Variants in SAMMSON observed in about 807,000 individuals in gnomAD.
SAMMSON encodes survival associated mitochondrial melanoma specific oncogenic non-coding RNA.
intron 1 of SAMMSON, among the ~76,000 whole-genome samples, chr3:70,001,338 G>A (rs1183557484): frequency 6.6e-6 from 1 of 151,820 alleles, no homozygotes; most frequent in Non-Finnish European, 1.5e-5. Flanking sequence ...TGCCTCCTGT[G>A]TGTAAGACAT....
At chr3:70,104,534 C>G (rs904445631) in intron 4 of SAMMSON, among the ~76,000 whole-genome samples, 1 of 152,092 alleles carries the variant, frequency 6.6e-6, no homozygotes, top group African/African-American at 2.4e-5. Flanking sequence ...ACCCTTAATT[C>G]TGAACATGGA....
At chr3:70,339,391 A>C (rs1168703069) in intron 7 of SAMMSON, among the ~76,000 whole-genome samples, 1 of 152,224 alleles carries the variant, frequency 6.6e-6, no homozygotes, top group East Asian at 1.9e-4. Flanking sequence ...ACAAAAGCCA[A>C]AATTGACAAA....
Position 70,101,786 on chromosome 3 carries a change from G to C in SAMMSON, n.507+30221G>C, listed in dbSNP as rs552231827. On this transcript the variant is annotated intron_variant and non_coding_transcript_variant, in intron 4 of 9. Transcript: ENST00000642114. ...ACTCGTAAGGAAACAGACCAAAAAG[G>C]TTAAGTGGCTTAAATAAAGCTGAAA... Among the ~76,000 whole-genome samples the C allele has an allele frequency of 5.3e-5, 8 of 152,232 alleles. No homozygotes were observed. The South Asian group carries it at 6.2e-4, about 12-fold the overall frequency.
intron 4 of SAMMSON, among the ~76,000 whole-genome samples, chr3:70,153,152 G>C (rs753996037): frequency 5.9e-5 from 9 of 152,008 alleles, no homozygotes; most frequent in Admixed American, 1.3e-4. Context: ...GCGTTATTCT[G>C]TCAATATAAG....
At chr3:70,076,486 A>G (rs746607913) in intron 4 of SAMMSON, among the ~76,000 whole-genome samples, 1 of 152,174 alleles carries the variant, frequency 6.6e-6, no homozygotes, top group Non-Finnish European at 1.5e-5. Flanking sequence ...TCAATGGGCC[A>G]CTGATTTCTT....
chr3:70,154,832 C>A (rs1193801274), intron 4 of SAMMSON, among the ~76,000 whole-genome samples: 1 of 151,932 alleles, frequency 6.6e-6, no homozygotes, highest in East Asian at 1.9e-4. Flanking sequence ...TTTGGCTTTA[C>A]CTTTGATCCT....
At chr3:70,021,191 G>C (rs534516640) in intron 3 of SAMMSON, among the ~76,000 whole-genome samples, 21 of 152,262 alleles carry the variant, frequency 1.4e-4, no homozygotes, top group South Asian at 6.2e-4. Flanking sequence ...TGAGACGTGA[G>C]AAAACCTTTT....
chr3:70,166,947 C>G (rs1231342607), intron 4 of SAMMSON, among the ~76,000 whole-genome samples: 1 of 151,896 alleles, frequency 6.6e-6, no homozygotes, highest in African/African-American at 2.4e-5. Context: ...TTTTCTATAT[C>G]AATGCTGTCC....
intron 4 of SAMMSON, among the ~76,000 whole-genome samples, chr3:70,087,948 T>C (rs1019569270): frequency 5.3e-5 from 8 of 152,208 alleles, no homozygotes; most frequent in Non-Finnish European, 1.2e-4. Context: ...CATTTTTTAG[T>C]AAATTAAAAT....
At chr3:70,022,188 A>G (rs1180929691) in intron 3 of SAMMSON, among the ~76,000 whole-genome samples, 1 of 150,626 alleles carries the variant, frequency 6.6e-6, no homozygotes, top group Non-Finnish European at 1.5e-5. Context: ...GATTCTGCCC[A>G]GTAATTCAGG....
At chr3:70,073,817 G>C (rs2106638355) in intron 4 of SAMMSON, among the ~76,000 whole-genome samples, 1 of 152,124 alleles carries the variant, frequency 6.6e-6, no homozygotes, top group East Asian at 1.9e-4. Flanking sequence ...ACCCAGATTG[G>C]AATCCTGGCT....
At chr3:70,177,515 G>A (rs189583464) in intron 4 of SAMMSON, among the ~76,000 whole-genome samples, 7 of 152,272 alleles carry the variant, frequency 4.6e-5, no homozygotes, top group Admixed American at 3.3e-4. Flanking sequence ...TTCAGTTGTC[G>A]AAGTATCTAG....
At chr3:70,133,312 A>C (rs77504607) in intron 4 of SAMMSON, among the ~76,000 whole-genome samples, 2 of 152,168 alleles carry the variant, frequency 1.3e-5, no homozygotes, top group East Asian at 3.9e-4. Flanking sequence ...ATAAAAACGC[A>C]AAAGGACAGG....
chr3:70,081,591 C>G (rs1260155616), intron 4 of SAMMSON, among the ~76,000 whole-genome samples: 1 of 152,118 alleles, frequency 6.6e-6, no homozygotes, highest in African/African-American at 2.4e-5. Context: ...ACTGACAGAA[C>G]AAATGAATTA....
chr3:70,125,565 CAGGT>C, intron 4 of SAMMSON: 2 of 697,120 alleles, frequency 2.9e-6, no homozygotes, highest in South Asian at 3.0e-5. Flanking sequence ...GCTTCAGTAA[CAGGT>C]AGATCATTAT....
intron 4 of SAMMSON, among the ~76,000 whole-genome samples, chr3:70,215,932 A>G (rs948845446): frequency 6.6e-6 from 1 of 152,150 alleles, no homozygotes; most frequent in Non-Finnish European, 1.5e-5. Context: ...GTAAAAGTCT[A>G]TAAATTTCTG....
At chr3:70,402,701 AAAATAC>A (rs1410677274) in intron 2 of SAMMSON, among the ~76,000 whole-genome samples, 1 of 152,068 alleles carries the variant, frequency 6.6e-6, no homozygotes, top group Non-Finnish European at 1.5e-5. Context: ...ACCTCTACTA[AAAATAC>A]AAAAATTAGC....
intron 6 of SAMMSON, among the ~76,000 whole-genome samples, chr3:70,251,422 A>T (rs1347001011): frequency 1.3e-5 from 2 of 152,206 alleles, no homozygotes; most frequent in Non-Finnish European, 2.9e-5. Flanking sequence ...GGTTACAGAT[A>T]TATCAGGTAT....
chr3:70,218,355 G>A (rs1352602188), intron 4 of SAMMSON, among the ~76,000 whole-genome samples: 1 of 152,130 alleles, frequency 6.6e-6, no homozygotes, highest in Non-Finnish European at 1.5e-5. Context: ...ATATAGGCAT[G>A]CATTAGGTGG....
Sources: gnomAD v4.1 joint callset for allele counts (sites outside exome capture counted in the v4.1 genomes callset) on GRCh38, gnomAD v4.1.1 for gene constraint, MANE v1.5 for transcripts, NCBI Gene and HGNC (gene_info 2026-07-23, HGNC 2026-07-21) for gene names.